Variants in ST8SIA5 observed in about 807,000 individuals in gnomAD.
The protein encoded by ST8SIA5 is alpha-2,8-sialyltransferase 8E.
Under a neutral mutation model 40.2 loss-of-function variants are expected in ST8SIA5, and 24 were observed. The ratio of observed to expected loss-of-function variants is 0.60; its 90% CI spans 0.43 to 0.84. The LOEUF (loss-of-function observed/expected upper bound fraction) is 0.84, where lower values mean the gene tolerates loss of function less well. ST8SIA5 is among the 40% of genes least tolerant of loss of function. The pLI, the probability that ST8SIA5 is intolerant of heterozygous loss-of-function variation, is 0.00. For missense variants in ST8SIA5, 465 were observed against 498.5 expected (o/e 0.93, Z 0.64); for synonymous variants, 198 against 201.8 (o/e 0.98, Z 0.16).
chr18:46,676,914 G>C lies in ST8SIA5; in HGVS notation c.*3128C>G, dbSNP rs891360582. 4 of 152,176 alleles carry C rather than the reference G, an allele frequency of 2.6e-5. No homozygotes were observed. Among genetic ancestry groups the C allele is most frequent in the African/African-American group, 9.7e-5 (4 of 41,440 alleles). The allele number at this position is 152,176 out of a possible 1,614,324, so 9.4% of individuals were successfully genotyped here. On this transcript the variant is annotated 3_prime_UTR_variant, in exon 7 of 7. Transcript: ENST00000315087. ...GGCTGCAGCAGAAAAACTATATCCT[G>C]AAAGTCAGGAGACTGGTGAGTCCCA...
chr18:46,716,915 C>T (rs2039797884), intron 1 of ST8SIA5, among the ~76,000 whole-genome samples: 1 of 152,208 alleles, frequency 6.6e-6, no homozygotes, highest in Non-Finnish European at 1.5e-5. Flanking sequence ...GGACAAGGAC[C>T]TGGATGTGGA....
intron 1 of ST8SIA5, among the ~76,000 whole-genome samples, chr18:46,731,317 G>A (rs779427088): frequency 1.3e-5 from 2 of 152,228 alleles, no homozygotes; most frequent in African/African-American, 2.4e-5. Context: ...GGATGGTAGC[G>A]ACGATGATGG....
At chr18:46,728,365 T>C (rs931825708) in intron 1 of ST8SIA5, among the ~76,000 whole-genome samples, 12 of 152,210 alleles carry the variant, frequency 7.9e-5, no homozygotes, top group African/African-American at 2.9e-4. Flanking sequence ...AAGTGGCACA[T>C]GCGTAGCTAT....
At chr18:46,706,375 C>T (rs912202885) in intron 1 of ST8SIA5, among the ~76,000 whole-genome samples, 5 of 152,146 alleles carry the variant, frequency 3.3e-5, no homozygotes, top group African/African-American at 4.8e-5. Context: ...CTTCAGTACC[C>T]GGCTCGAGTA....
At chr18:46,755,057 C>T (rs947562889) in intron 1 of ST8SIA5, among the ~76,000 whole-genome samples, 21 of 152,236 alleles carry the variant, frequency 1.4e-4, no homozygotes, top group African/African-American at 5.1e-4. Flanking sequence ...GAGCTGCCAC[C>T]AACCAGGGAA....
chr18:46,731,206 C>G (rs1463797309), intron 1 of ST8SIA5, among the ~76,000 whole-genome samples: 2 of 152,172 alleles, frequency 1.3e-5, no homozygotes, highest in African/African-American at 4.8e-5. Flanking sequence ...GCACTACGTT[C>G]TGATTTAATG....
chr18:46,685,744 G>A (rs533688284), intron 5 of ST8SIA5: 1 of 173,396 alleles, frequency 5.8e-6, no homozygotes, highest in East Asian at 1.5e-4. Context: ...CTTTACGGAA[G>A]GAAGAAGTGC....
chr18:46,742,045 T>G (rs2040091060), intron 1 of ST8SIA5, among the ~76,000 whole-genome samples: 1 of 151,450 alleles, frequency 6.6e-6, no homozygotes, highest in Non-Finnish European at 1.5e-5. Flanking sequence ...GAGGTTGCAG[T>G]GAGCCGAGAT....
chr18:46,724,691 G>A (rs1053595207), intron 1 of ST8SIA5, among the ~76,000 whole-genome samples: 2 of 151,968 alleles, frequency 1.3e-5, no homozygotes, highest in East Asian at 1.9e-4. Context: ...TCTCATGATC[G>A]GGCCAAGCAT....
chr18:46,697,096 G>A (rs2039563781), intron 2 of ST8SIA5, among the ~76,000 whole-genome samples: 1 of 133,826 alleles, frequency 7.5e-6, no homozygotes, highest in African/African-American at 2.8e-5. Context: ...GAGGAGGAGA[G>A]ATGGAATCAG....
chr18:46,739,972 G>GTAT (rs1340289060), intron 1 of ST8SIA5, among the ~76,000 whole-genome samples: 3 of 152,160 alleles, frequency 2.0e-5, no homozygotes, highest in African/African-American at 4.8e-5. Context: ...CTCTGGAACT[G>GTAT]TATTGCAGCT....
intron 1 of ST8SIA5, among the ~76,000 whole-genome samples, chr18:46,717,659 C>T (rs1382429145): frequency 6.6e-6 from 1 of 152,140 alleles, no homozygotes; most frequent in Non-Finnish European, 1.5e-5. Context: ...CTGGCAATTC[C>T]AGCCTGTGAA....
intron 2 of ST8SIA5, among the ~76,000 whole-genome samples, chr18:46,693,508 G>A (rs2039527678): frequency 6.6e-6 from 1 of 152,190 alleles, no homozygotes; most frequent in African/African-American, 2.4e-5. Flanking sequence ...GCACTCTCAG[G>A]AAAGGGAACG....
chr18:46,751,633 G>A (rs2040196669), intron 1 of ST8SIA5, among the ~76,000 whole-genome samples: 2 of 152,130 alleles, frequency 1.3e-5, no homozygotes, highest in Admixed American at 6.6e-5. Flanking sequence ...CTGACCTCAT[G>A]ATCCACCAGC....
intron 1 of ST8SIA5, chr18:46,723,138 A>C (rs2039879918): frequency 6.1e-6 from 1 of 163,656 alleles, no homozygotes; most frequent in Non-Finnish European, 1.4e-5. Context: ...TGTTATCCAG[A>C]GGGCCATTCG....
At chr18:46,683,373 A>G (rs1210207933) in intron 5 of ST8SIA5, among the ~76,000 whole-genome samples, 1 of 152,196 alleles carries the variant, frequency 6.6e-6, no homozygotes, top group Admixed American at 6.5e-5. Flanking sequence ...TGAAATAAGC[A>G]GGTGTTAGCT....
chr18:46,699,600 C>T (rs2039590902), intron 2 of ST8SIA5, among the ~76,000 whole-genome samples: 1 of 152,150 alleles, frequency 6.6e-6, no homozygotes, highest in African/African-American at 2.4e-5. Context: ...AGAATGGTCT[C>T]GATCTCCTGA....
In ST8SIA5 at chr18:46,756,563, C is replaced by T; in HGVS notation, c.-55G>A. The T allele has an allele frequency of 6.3e-7, 1 of 1,581,206 alleles. No homozygotes were observed. The highest frequency in any genetic ancestry group is 2.3e-5 in the East Asian group (1 of 42,798). On this transcript the variant is annotated 5_prime_UTR_variant, in exon 1 of 7. Transcript: ENST00000315087. ...TACGGGGCGGCCAGGCAATGACTCG[C>T]GGGGTTCCGGGGCCCCGGGGGGCGC... is the stretch of plus-strand genomic sequence containing the variant.
chr18:46,718,578 G>C (rs2039818532), intron 1 of ST8SIA5, among the ~76,000 whole-genome samples: 1 of 151,998 alleles, frequency 6.6e-6, no homozygotes, highest in Admixed American at 6.6e-5. Context: ...GTGCTGTTTG[G>C]AGTTTTCCGG....
Sources: gnomAD v4.1 joint callset for allele counts (sites outside exome capture counted in the v4.1 genomes callset) on GRCh38, gnomAD v4.1.1 for gene constraint, MANE v1.5 for transcripts, NCBI Gene and HGNC (gene_info 2026-07-23, HGNC 2026-07-21) for gene names.